The following PGR variants were observed in gnomAD, a reference collection of about 807,000 sequenced individuals.
PGR encodes nuclear receptor subfamily 3 group C member 3.
Under a neutral mutation model 76.1 loss-of-function variants are expected in PGR, and 25 were observed. The ratio of observed to expected loss-of-function variants is 0.33; its 90% CI spans 0.24 to 0.46. PGR has a LOEUF of 0.46. Among genes scored for constraint, PGR ranks in the 20% least tolerant of loss-of-function variants. PGR has a pLI of 1.00. For missense variants in PGR, 1,172 were observed against 1,225.3 expected (o/e 0.96, Z 0.65); for synonymous variants, 579 against 535.0 (o/e 1.08, Z -1.14).
At chr11:101,110,271 T>C (rs1044073382) in intron 2 of PGR, among the ~76,000 whole-genome samples, 1 of 152,204 alleles carries the variant, frequency 6.6e-6, no homozygotes, top group African/African-American at 2.4e-5. Flanking sequence ...CTGGGCAAAG[T>C]ACATTGAAAA....
At chr11:101,101,993 T>G (rs543375938) in intron 2 of PGR, among the ~76,000 whole-genome samples, 13 of 152,164 alleles carry the variant, frequency 8.5e-5, no homozygotes, top group Non-Finnish European at 1.6e-4. Context: ...TCAAAACGTT[T>G]AACTGGCATA....
intron 4 of PGR, 79 bp downstream of exon 4, chr11:101,062,368 G>T: frequency 9.7e-7 from 1 of 1,026,880 alleles, no homozygotes; most frequent in Non-Finnish European, 1.5e-6. Context: ...ACTGCATAGA[G>T]TGTTTTATTT....
At chr11:101,127,405 G>T in intron 1 of PGR, 29 bp downstream of exon 1, 2 of 1,495,364 alleles carry the variant, frequency 1.3e-6, no homozygotes, top group Non-Finnish European at 1.8e-6. Flanking sequence ...TCCCGGACGC[G>T]CTGGGCGTGC....
chr11:101,062,818 AT>A (rs531712403), intron 3 of PGR, 66 bp from the exon 4 acceptor site: 836 of 1,106,592 alleles, frequency 7.6e-4, no homozygotes, highest in Non-Finnish European at 1.1e-3. Flanking sequence ...GTATAGTATT[AT>A]TTTTCCTAAG....
In PGR at chr11:101,036,182, C is replaced by T. The variant is rs1000434587; in HGVS notation, c.*2934G>A. 8.2e-5 allele frequency: 18 copies of T among 220,064 alleles called. No homozygotes were observed. Among genetic ancestry groups the T allele is most frequent in the Non-Finnish European group, 1.5e-4 (16 of 110,008 alleles). The allele number at this position is 220,064 out of a possible 1,614,324, so 13.6% of individuals were successfully genotyped here. ...TGACATTCCATGGCTACTTACAAGG[C>T]ATAGTTTTGGCAAAAAAAATATTGT... On this transcript the variant is annotated 3_prime_UTR_variant, in exon 8 of 8. Transcript: ENST00000325455.
chr11:101,097,039 C>T (rs1861855765), intron 2 of PGR, among the ~76,000 whole-genome samples: 1 of 152,184 alleles, frequency 6.6e-6, no homozygotes. Flanking sequence ...GAGCCACTAT[C>T]TAGCTCTCTC....
intron 3 of PGR, among the ~76,000 whole-genome samples, chr11:101,084,827 T>A (rs1861437392): frequency 6.6e-6 from 1 of 152,146 alleles, no homozygotes; most frequent in African/African-American, 2.4e-5. Flanking sequence ...GGGGTTGCTA[T>A]TCTTAGATTA....
chr11:101,127,781 G>A lies in PGR; in HGVS notation c.1290C>T (p.Thr430=). The part of the protein sequence containing the change: ...GPPPPLPPRA[T]PSRPGEAAVT... ...CCGCCGCTTCCCCGGGTCTGGATGG[G>A]GTCGCTCGCGGCGGCAGCGGGGGCG... is the stretch of plus-strand genomic sequence containing the variant. Residue 430 remains threonine (T), a synonymous_variant, in exon 1 of 8, where the codon ACC becomes ACT. Coordinates refer to ENST00000325455, the MANE Select transcript of PGR (RefSeq NM_000926.4). 1.9e-6 allele frequency: 3 copies of A among 1,563,016 alleles called. No homozygotes were observed. The highest frequency in any genetic ancestry group is 1.7e-6 in the Non-Finnish European group (2 of 1,162,732).
chr11:101,037,667 C>T lies in PGR; in HGVS notation c.*1449G>A, dbSNP rs1859554845. On this transcript the variant is annotated 3_prime_UTR_variant, in exon 8 of 8. Coordinates refer to ENST00000325455, the MANE Select transcript of PGR (RefSeq NM_000926.4). The stretch of plus-strand genomic sequence containing the variant: ...TTATAGTCAGTAAAGGGAGAGATCT[C>T]ACAAAGTAGGAAGCAAAGGTGGAAA... 2 of 225,882 alleles carry T rather than the reference C, an allele frequency of 8.9e-6. No individual in the cohort carries two copies. The highest frequency in any genetic ancestry group is 6.4e-5 in the East Asian group (1 of 15,706). 14.0% of individuals were successfully genotyped at this position (225,882 alleles called of 1,614,324 possible).
At chr11:101,096,319 T>A (rs1173201502) in intron 2 of PGR, among the ~76,000 whole-genome samples, 1 of 152,214 alleles carries the variant, frequency 6.6e-6, no homozygotes, top group Non-Finnish European at 1.5e-5. Context: ...TTCATCATCT[T>A]TAACATTAAG....
At position 101,129,401 on chromosome 11, in the gene PGR, C is replaced by T; in HGVS notation, c.-331G>A. ...CCAAGAGAGTTCTCCAACTTCTGTC[C>T]GAGGACTGGAGACGCAGAGTACTCA... On this transcript the variant is annotated 5_prime_UTR_variant, in exon 1 of 8. Coordinates refer to ENST00000325455, the MANE Select transcript of PGR (RefSeq NM_000926.4). 3.2e-6 allele frequency: 1 copy of T among 315,284 alleles called. No individual in the cohort carries two copies. The highest frequency in any genetic ancestry group is 5.8e-6 in the Non-Finnish European group (1 of 171,046). The allele number at this position is 315,284 out of a possible 1,614,324, so 19.5% of individuals were successfully genotyped here.
intron 3 of PGR, among the ~76,000 whole-genome samples, chr11:101,088,395 G>A (rs559038658): frequency 2.6e-5 from 4 of 152,172 alleles, no homozygotes; most frequent in South Asian, 4.1e-4. Context: ...GCAGTGGCGC[G>A]AACTCAGCTC....
intron 2 of PGR, among the ~76,000 whole-genome samples, chr11:101,107,494 T>C (rs964758834): frequency 3.3e-5 from 5 of 152,196 alleles, no homozygotes; most frequent in Admixed American, 3.3e-4. Flanking sequence ...TTAGAGAATG[T>C]AAGGAACTAC....
At position 101,128,997 on chromosome 11, in the gene PGR, G is replaced by T; in HGVS notation, c.74C>A (p.Ser25Tyr). The T allele has an allele frequency of 6.3e-7, 1 of 1,588,356 alleles. No homozygotes were observed. Among genetic ancestry groups the T allele is most frequent in the Non-Finnish European group, 8.6e-7 (1 of 1,167,320 alleles). The part of the protein sequence containing the change: ...AGGPPSPEVG[S>Y]PLLCRPAAGP... ...TGCGGCTGGGCGACACAGCAGTGGG[G>T]ATCCGACCTCGGGGGAGGGCGGGCC... Residue 25 changes from serine (S) to tyrosine (Y), a missense_variant, in exon 1 of 8, where the codon TCC (serine) becomes TAC (tyrosine). Ser to Tyr is a moderately radical substitution (Grantham distance 144). Coordinates refer to ENST00000325455, the MANE Select transcript of PGR (RefSeq NM_000926.4).
chr11:101,040,068 A>AT (rs11571264), intron 7 of PGR, among the ~76,000 whole-genome samples: 5 of 151,936 alleles, frequency 3.3e-5, no homozygotes, highest in Non-Finnish European at 5.9e-5. Flanking sequence ...TATCATAAAG[A>AT]TTTTTTTATG....
At chr11:101,074,437 C>T (rs1229806656) in intron 3 of PGR, among the ~76,000 whole-genome samples, 1 of 152,136 alleles carries the variant, frequency 6.6e-6, no homozygotes, top group Non-Finnish European at 1.5e-5. Flanking sequence ...TGTCCTTTCC[C>T]ACCACTGCTA....
In PGR at chr11:101,073,490, G is replaced by T. The variant is rs1012781537; in HGVS notation, c.1907-10738C>A. Reference sequence around the variant, plus strand: ...AAATAACTAAGACCAGAGCAGAACCGAAGGAGATAGAGACATGAAAAACCC... The same window carrying T: ...AAATAACTAAGACCAGAGCAGAACCTAAGGAGATAGAGACATGAAAAACCC... On this transcript the variant is annotated intron_variant, in intron 3 of 7. Transcript: ENST00000325455. 1.5e-4 allele frequency among the ~76,000 whole-genome samples: 23 copies of T among 151,676 alleles called. 1 individual carries two copies. The highest frequency in any genetic ancestry group is 1.5e-5 in the Non-Finnish European group (1 of 67,938).
intron 6 of PGR, among the ~76,000 whole-genome samples, chr11:101,044,700 C>CTTTTTTTTTTTTTTTTTTTTTTTTTTT (rs34361620): frequency 2.6e-5 from 2 of 75,848 alleles, no homozygotes; most frequent in Non-Finnish European, 2.5e-5. Context: ...GGCCTAATTG[C>CTTTTTTTTTTTTTTTTTTTTTTTTTTT]TTTTTTTTTT....
Position 101,127,954 on chromosome 11 carries a change from C to A in PGR, c.1117G>T (p.Ala373Ser). ...TGGAAGTCGCTATAGAGAGGGTACG[C>A]GTCGTCCTTGGGCTCGGCGTCGGGC... is the stretch of plus-strand genomic sequence containing the variant. The part of the protein sequence containing the change: ...YPPDAEPKDD[A>S]YPLYSDFQPP... Residue 373 changes from alanine (A) to serine (S), a missense_variant, in exon 1 of 8, where the codon GCG becomes TCG. Ala to Ser is a moderately conservative substitution (Grantham distance 99, BLOSUM62 1). Around this residue, in one of 4 missense-constraint regions of PGR, gnomAD observed 893 missense variants for 785.9 expected, o/e 1.14. Coordinates refer to ENST00000325455, the MANE Select transcript of PGR (RefSeq NM_000926.4). The A allele has an allele frequency of 6.2e-7, 1 of 1,611,990 alleles. No individual in the cohort carries two copies. The highest frequency in any genetic ancestry group is 2.2e-5 in the East Asian group (1 of 44,734).
Sources: gnomAD v4.1 joint callset for allele counts (sites outside exome capture counted in the v4.1 genomes callset) on GRCh38, gnomAD v4.1.1 for gene constraint, gnomAD v4.1.1 regional missense constraint, MANE v1.5 for transcripts, NCBI Gene and HGNC (gene_info 2026-07-23, HGNC 2026-07-21) for gene names.